IGF2R: variants seen among roughly 807,000 people sequenced by gnomAD.
The protein encoded by IGF2R is cation-independent mannose-6-phosphate receptor.
In IGF2R, 91 loss-of-function variants were observed where a neutral mutation model predicts 270.6. The ratio of observed to expected loss-of-function variants is 0.34; its 90% confidence interval spans 0.28 to 0.40. IGF2R has a LOEUF of 0.40. IGF2R is among the 10% of genes least tolerant of loss of function. The pLI, the probability that IGF2R is intolerant of heterozygous loss-of-function variation, is 1.00. For missense variants in IGF2R, 2,805 were observed against 3,188.3 expected, an observed-to-expected ratio of 0.88 and a Z score of 2.90; for synonymous variants, 1,316 against 1,258.9, an observed-to-expected ratio of 1.05 and a Z score of -0.96.
At chr6:160,032,840 G>A in intron 8 of IGF2R, 102 bp from the exon 9 acceptor site, 3 of 1,392,514 alleles carry the variant, frequency 2.2e-6, no homozygotes, top group Non-Finnish European at 3.0e-6. Context: ...GTTTGGGCTG[G>A]TGTTTCAGAA....
At chr6:160,067,291 A>T (rs1778606169) in intron 29 of IGF2R, among the ~76,000 whole-genome samples, 1 of 151,372 alleles carries the variant, frequency 6.6e-6, no homozygotes, top group African/African-American at 2.4e-5. Context: ...CATTTCTCTC[A>T]GAGTCTATTC....
chr6:159,977,052 A>G (rs576722908), intron 1 of IGF2R, among the ~76,000 whole-genome samples: 1 of 152,204 alleles, frequency 6.6e-6, no homozygotes, highest in Non-Finnish European at 1.5e-5. Flanking sequence ...CAGTTCTCCC[A>G]TGGTTCAGAT....
Position 160,064,456 on chromosome 6 carries a change from G to T in IGF2R, c.3942G>T (p.Thr1314=), listed in dbSNP as rs371109078. 3.7e-6 allele frequency: 6 copies of T among 1,611,866 alleles called. No individual in the cohort carries two copies. The highest frequency in any genetic ancestry group is 4.5e-5 in the East Asian group (2 of 44,874). ...ATGGCTTGTTAAAAATGAACTTCAC[G>T]GGGGGGGACACTTGCCATAAGGTTT... ...YENGLLKMNF[T]GGDTCHKVYQ... is the part of the protein sequence containing the mutation. The change falls in exon 28 of 48, where the codon ACG becomes ACT. Residue 1314 remains threonine (T), a synonymous_variant. Transcript: ENST00000356956.
intron 1 of IGF2R, among the ~76,000 whole-genome samples, chr6:159,988,610 C>G (rs1311489722): frequency 7.3e-5 from 11 of 150,604 alleles, no homozygotes; most frequent in Admixed American, 7.3e-4. Context: ...TTTTAAATGA[C>G]ACCCTCATGC....
rs8191754 is a variant in IGF2R at position 160,027,292 on chromosome 6, C to T, written c.754C>T (p.Leu252=). Reference sequence around the variant, plus strand: ...TGATGTTGGCCAGCCCCGGGACGGACTGAAGCTGGTGCGCAAGGACAGGTC... The same window carrying T: ...TGATGTTGGCCAGCCCCGGGACGGATTGAAGCTGGTGCGCAAGGACAGGTC... The part of the protein sequence containing the change: ...AFDVGQPRDG[L]KLVRKDRLVL... Residue 252 remains leucine, a synonymous_variant, in exon 6 of 48, where the codon CTG becomes TTG. Transcript: ENST00000356956. 4 of 1,613,434 alleles carry T rather than the reference C, an allele frequency of 2.5e-6. No individual in the cohort carries two copies. The East Asian group carries it at 8.9e-5, about 36-fold the overall frequency.
At chr6:160,034,698 C>T (rs1194352518) in intron 10 of IGF2R, among the ~76,000 whole-genome samples, 176 bp downstream of exon 10, 1 of 152,182 alleles carries the variant, frequency 6.6e-6, no homozygotes, top group Non-Finnish European at 1.5e-5. Context: ...ACACTTTCCC[C>T]ACCCCCACTG....
At chr6:160,040,416 C>A in intron 10 of IGF2R, 144 bp from the exon 11 acceptor site, 1 of 633,864 alleles carries the variant, frequency 1.6e-6, no homozygotes, top group Non-Finnish European at 2.8e-6. Context: ...CAACTCAGAT[C>A]CCCATGGTCT....
chr6:160,092,718 G>A (rs895423445), intron 44 of IGF2R, among the ~76,000 whole-genome samples: 1 of 152,116 alleles, frequency 6.6e-6, no homozygotes, highest in Non-Finnish European at 1.5e-5. Context: ...CCCTGCTTCA[G>A]CTACTCCCAA....
chr6:160,032,793 T>G (rs1777727437), intron 8 of IGF2R, 80 bp downstream of exon 8: 10 of 1,492,622 alleles, frequency 6.7e-6, no homozygotes, highest in Non-Finnish European at 8.2e-6. Flanking sequence ...AGGGGCCAAG[T>G]CAGTCCATGC....
intron 45 of IGF2R, among the ~76,000 whole-genome samples, chr6:160,098,701 C>T (rs1393088915): frequency 6.6e-6 from 1 of 152,062 alleles, no homozygotes; most frequent in Admixed American, 6.6e-5. Flanking sequence ...CACCTGTAAT[C>T]GCAGCTACTC....
chr6:160,100,583 C>T (rs931458648), intron 45 of IGF2R, among the ~76,000 whole-genome samples: 10 of 152,030 alleles, frequency 6.6e-5, no homozygotes, highest in Non-Finnish European at 1.5e-4. Flanking sequence ...ATTGAGACAG[C>T]ACAGTGAAAA....
intron 30 of IGF2R, 86 bp from the exon 31 acceptor site, chr6:160,069,782 C>A: frequency 1.7e-6 from 2 of 1,195,598 alleles, no homozygotes; most frequent in South Asian, 1.3e-5. Context: ...AGTTCTGCAG[C>A]GTGTGTGACA....
intron 29 of IGF2R, among the ~76,000 whole-genome samples, chr6:160,065,845 TG>T (rs1778572445): frequency 2.3e-5 from 3 of 131,708 alleles, no homozygotes; most frequent in African/African-American, 8.4e-5. Flanking sequence ...TATATATATA[TG>T]TATTTTTTTT....
rs1778086240 is a variant in IGF2R, at chr6:160,047,161, A to G, written c.2054A>G (p.Asp685Gly). The G allele has an allele frequency of 6.2e-7, 1 of 1,613,876 alleles. No homozygotes were observed. Among genetic ancestry groups the G allele is most frequent in the African/African-American group, 1.3e-5 (1 of 74,908 alleles). The change falls in exon 16 of 48, where the codon GAT becomes GGT. Residue 685 changes from aspartate (D) to glycine (G), a missense_variant and splice_region_variant. Around this residue, in one of 2 missense-constraint regions of IGF2R, gnomAD observed 954 missense variants for 981.1 expected, o/e 0.97. Coordinates refer to ENST00000356956, the MANE Select transcript of IGF2R (RefSeq NM_000876.4). ...AGAGAAACGTGTGTTTATTTCAGTG[A>G]TGAGAAGACTTGGAACTTGGGTCTG... ...DSGACQVAKSDEKTWNLGLSN... is the reference protein window; with the variant it reads ...DSGACQVAKSGEKTWNLGLSN...
In IGF2R at chr6:160,050,679, C is replaced by G. The variant is rs1341428334; in HGVS notation, c.2694+27C>G. On this transcript the variant is annotated intron_variant, in intron 19 of 47. Transcript: ENST00000356956. This position sits in a 1 kb window ranked among gnomAD's most constrained non-coding sequence, Gnocchi z 4.0. The stretch of plus-strand genomic sequence containing the variant: ...TAAGGCACTGCTGCTGGCTGGTGAC[C>G]TTCACTGCTGCATTTTTTGACTGAG... 7.6e-6 allele frequency: 12 copies of G among 1,573,692 alleles called. No homozygotes were observed. Among genetic ancestry groups the G allele is most frequent in the Non-Finnish European group, 1.0e-5 (12 of 1,153,604 alleles).
In IGF2R at chr6:160,050,145, G is replaced by A. The variant is rs894538974; in HGVS notation, c.2515-328G>A. On this transcript the variant is annotated intron_variant, in intron 18 of 47. Transcript: ENST00000356956. The surrounding 1 kb of genome is among the most constrained non-coding windows in gnomAD (Gnocchi z 4.0). ...AGAACATCTTACACGATTATTGAAC[G>A]AAAGCCTTATGATTCCAATGCCAGT... Among the ~76,000 whole-genome samples, 1 of 152,216 alleles carries A rather than the reference G, an allele frequency of 6.6e-6. No homozygotes were observed. The highest frequency in any genetic ancestry group is 1.5e-5 in the Non-Finnish European group (1 of 68,046).
intron 4 of IGF2R, among the ~76,000 whole-genome samples, chr6:160,021,448 TG>T (rs1228723223): frequency 1.4e-5 from 1 of 69,138 alleles, no homozygotes; most frequent in Non-Finnish European, 2.6e-5. Flanking sequence ...TGTTGTGGGG[TG>T]GGGGGCGGGG....
At chr6:160,089,474 T>C (rs1019965745) in intron 43 of IGF2R, among the ~76,000 whole-genome samples, 1 of 152,182 alleles carries the variant, frequency 6.6e-6, no homozygotes, top group Non-Finnish European at 1.5e-5. Context: ...TAAAAATAAA[T>C]CCCCCGTCCT....
rs1414382645 is a variant in IGF2R, at chr6:160,084,332, G to A, written c.6068+148G>A. 1.8e-5 allele frequency: 11 copies of A among 621,512 alleles called. No individual in the cohort carries two copies. The highest frequency in any genetic ancestry group is 2.9e-5 in the Non-Finnish European group (10 of 348,988). The allele number at this position is 621,512 out of a possible 1,614,324, so 38.5% of individuals were successfully genotyped here. A position where few individuals can be genotyped will look rare whatever the true frequency, so the allele number is the denominator to read the frequency against. Reference sequence around the variant, plus strand: ...GGTGGTTGAGTTGTGACTGTTCCTGGAAGCAGCCCGCAGTGTCAATCCTGG... The same window carrying A: ...GGTGGTTGAGTTGTGACTGTTCCTGAAAGCAGCCCGCAGTGTCAATCCTGG... On this transcript the variant is annotated intron_variant, in intron 40 of 47. Transcript: ENST00000356956. The surrounding 1 kb of genome is among the most constrained non-coding windows in gnomAD (Gnocchi z 4.6).
Sources: gnomAD v4.1 joint callset for allele counts (sites outside exome capture counted in the v4.1 genomes callset) on GRCh38, gnomAD v4.1.1 for gene constraint, gnomAD v4.1.1 regional missense constraint, Gnocchi (gnomAD v3.1) non-coding constraint, MANE v1.5 for transcripts, NCBI Gene and HGNC (gene_info 2026-07-23, HGNC 2026-07-21) for gene names.